Variants in CLASP1 observed in about 807,000 individuals in gnomAD.
CLASP1 encodes the protein CLIP-associating protein 1.
CLASP1 carries 38 observed loss-of-function variants against 192.3 expected under a neutral mutation model. That is an observed-to-expected ratio of 0.20 (90% CI 0.15 to 0.26). CLASP1 has a LOEUF of 0.26. CLASP1 is among the 10% of genes least tolerant of loss of function. The probability of loss-of-function intolerance (pLI) is 1.00; values close to 1 mark genes in which losing one functional copy is unlikely to be tolerated. For missense variants in CLASP1, 1,433 were observed against 1,932.5 expected, an observed-to-expected ratio of 0.74 and a Z score of 4.85; for synonymous variants, 691 against 712.8, an observed-to-expected ratio of 0.97 and a Z score of 0.49.
intron 2 of CLASP1, among the ~76,000 whole-genome samples, chr2:121,569,610 T>C (rs2059807292): frequency 6.6e-6 from 1 of 152,170 alleles, no homozygotes; most frequent in African/African-American, 2.4e-5. Flanking sequence ...CCCAGCACTT[T>C]GGGAGGCCAA....
At chr2:121,372,124 G>A (rs2068873015) in intron 34 of CLASP1, among the ~76,000 whole-genome samples, 1 of 152,228 alleles carries the variant, frequency 6.6e-6, no homozygotes, top group African/African-American at 2.4e-5. Flanking sequence ...AAGTAAATGT[G>A]TATTTTATAT....
intron 9 of CLASP1, among the ~76,000 whole-genome samples, chr2:121,466,854 G>A (rs1013380504): frequency 6.6e-6 from 1 of 152,192 alleles, no homozygotes; most frequent in Non-Finnish European, 1.5e-5. Context: ...TGTGTAGGAT[G>A]TGCAGGTTGG....
chr2:121,407,349 C>A (rs1350595223), intron 25 of CLASP1, 122 bp downstream of exon 26: 2 of 1,121,640 alleles, frequency 1.8e-6, no homozygotes, highest in Non-Finnish European at 2.5e-6. Flanking sequence ...TGCAAGCAGA[C>A]CTCTTGGTAT....
At chr2:121,464,856 C>T in intron 9 of CLASP1, among the ~76,000 whole-genome samples, 1 of 152,126 alleles carries the variant, frequency 6.6e-6, no homozygotes, top group Admixed American at 6.5e-5. Flanking sequence ...TAATTAGATC[C>T]CATTTGTCAA....
intron 9 of CLASP1, among the ~76,000 whole-genome samples, chr2:121,468,751 T>C (rs1172814941): frequency 6.6e-6 from 1 of 152,124 alleles, no homozygotes; most frequent in African/African-American, 2.4e-5. Flanking sequence ...TCTCTTCCTA[T>C]GTGAATACCC....
chr2:121,593,626 C>CAAAAAAA (rs61315745), intron 2 of CLASP1, among the ~76,000 whole-genome samples: 5 of 50,720 alleles, frequency 9.9e-5, no homozygotes, highest in East Asian at 6.1e-4. Flanking sequence ...AACTCCGTCT[C>CAAAAAAA]AAAAAAAAAA....
At chr2:121,372,627 C>A (rs1204625533) in intron 34 of CLASP1, among the ~76,000 whole-genome samples, 1 of 152,324 alleles carries the variant, frequency 6.6e-6, no homozygotes. Context: ...TGCTCGACAG[C>A]CCCAGAAGAC....
At chr2:121,363,215 G>A (rs769153880) in exon 37 of CLASP1, 3 of 1,613,720 alleles carry the variant, frequency 1.9e-6, no homozygotes, top group South Asian at 2.2e-5. Context: ...CTTCATAATC[G>A]TCAGCTCGGC....
chr2:121,616,540 T>C (rs545908940), intron 1 of CLASP1, among the ~76,000 whole-genome samples: 2 of 152,314 alleles, frequency 1.3e-5, no homozygotes, highest in Admixed American at 6.5e-5. Context: ...GAAGAAGGTA[T>C]GGTAGTTTCA....
chr2:121,531,068 T>G (rs1012300718), intron 2 of CLASP1: 2 of 691,524 alleles, frequency 2.9e-6, no homozygotes, highest in East Asian at 2.7e-5. Flanking sequence ...AATAAACTAG[T>G]ACTTTGTGGT....
intron 22 of CLASP1, among the ~76,000 whole-genome samples, chr2:121,421,627 C>T (rs1238028301): frequency 6.6e-6 from 1 of 152,132 alleles, no homozygotes; most frequent in Non-Finnish European, 1.5e-5. Context: ...ACTGCAACCT[C>T]CGCCTTCCAG....
chr2:121,410,412 T>C (rs546046105), intron 24 of CLASP1, among the ~76,000 whole-genome samples: 43 of 151,964 alleles, frequency 2.8e-4, no homozygotes, highest in African/African-American at 7.0e-4. Context: ...GACAAGATAA[T>C]AGAATAAATG....
intron 34 of CLASP1, among the ~76,000 whole-genome samples, chr2:121,371,677 G>C (rs1450798553): frequency 6.6e-6 from 1 of 152,156 alleles, no homozygotes; most frequent in East Asian, 1.9e-4. Flanking sequence ...AACCGGCAGT[G>C]GGAACACGCT....
intron 1 of CLASP1, among the ~76,000 whole-genome samples, chr2:121,610,458 AGAG>A (rs949519966): frequency 1.3e-4 from 14 of 104,066 alleles, no homozygotes; most frequent in Admixed American, 2.8e-4. Flanking sequence ...AAGAGGAACT[AGAG>A]GAGGAGGAGG....
intron 6 of CLASP1, among the ~76,000 whole-genome samples, chr2:121,519,814 C>T (rs1363002916): frequency 6.6e-6 from 1 of 152,154 alleles, no homozygotes; most frequent in Admixed American, 6.5e-5. Flanking sequence ...TTCTTTGGTA[C>T]TGCAAAGTAG....
At chr2:121,647,483 A>C (rs1200220068) in intron 1 of CLASP1, among the ~76,000 whole-genome samples, 1 of 152,220 alleles carries the variant, frequency 6.6e-6, no homozygotes, top group Non-Finnish European at 1.5e-5. Flanking sequence ...CTGTCAAACT[A>C]TTTTAAGGGT....
intron 2 of CLASP1, among the ~76,000 whole-genome samples, chr2:121,546,245 G>A (rs773968923): frequency 1.3e-5 from 2 of 151,742 alleles, no homozygotes; most frequent in East Asian, 1.9e-4. Context: ...CTTTAAAAAC[G>A]AAACACACAC....
In CLASP1 at chr2:121,382,343, G is replaced by A. The variant is rs1313763788; in HGVS notation, c.3375-19C>T. ...TAACCGACTGCAGTGATCAGAAGAG[G>A]AAAATCAGAGAGAGAAATACAAAAA... is the stretch of plus-strand genomic sequence containing the variant. On this transcript the variant is annotated intron_variant, in intron 32 of 39. Coordinates refer to ENST00000263710, the Ensembl canonical transcript of CLASP1. 2.7e-6 allele frequency: 4 copies of A among 1,459,388 alleles called. No individual in the cohort carries two copies. In the East Asian group the frequency reaches 9.8e-5, roughly 36 times the overall value. The allele number at this position is 1,459,388 out of a possible 1,614,324, so 90.4% of individuals were successfully genotyped here. A position where few individuals can be genotyped will look rare whatever the true frequency, so the allele number is the denominator to read the frequency against.
chr2:121,516,378 C>T (rs7566558), intron 6 of CLASP1, among the ~76,000 whole-genome samples: 30,863 of 152,168 alleles, frequency 0.2, 5,848 homozygotes, highest in African/African-American at 0.5. Context: ...GAAACCACTG[C>T]GAAGTGCTTG....
Sources: gnomAD v4.1 joint callset for allele counts (sites outside exome capture counted in the v4.1 genomes callset) on GRCh38, gnomAD v4.1.1 for gene constraint, MANE v1.5 for transcripts, NCBI Gene and HGNC (gene_info 2026-07-23, HGNC 2026-07-21) for gene names.